The following GPC6 variants were observed in gnomAD, a reference collection of about 807,000 sequenced individuals.
GPC6 encodes glypican-6.
In GPC6, 14 loss-of-function variants were observed where a neutral mutation model predicts 55.2. The ratio of observed to expected loss-of-function variants is 0.25; its 90% CI spans 0.17 to 0.40. The LOEUF (loss-of-function observed/expected upper bound fraction) is 0.40. GPC6 is among the 10% of genes least tolerant of loss of function. The pLI, the probability that GPC6 is intolerant of heterozygous loss-of-function variation, is 1.00. For missense variants in GPC6, 641 were observed against 708.5 expected (o/e 0.90, Z 1.08); for synonymous variants, 278 against 259.6 (o/e 1.07, Z -0.68).
chr13:93,439,691 A>T (rs886144553), intron 1 of GPC6, among the ~76,000 whole-genome samples: 16 of 69,474 alleles, frequency 2.3e-4, no homozygotes, highest in African/African-American at 4.1e-4. Context: ...TAAAATAAAT[A>T]AAAAAAATAA....
chr13:93,260,514 T>G (rs1412752167), intron 1 of GPC6, among the ~76,000 whole-genome samples: 1 of 152,116 alleles, frequency 6.6e-6, no homozygotes, highest in Admixed American at 6.6e-5. Flanking sequence ...TATCACCGCC[T>G]CTTAGGTGAA....
chr13:94,353,066 G>A (rs1878630475), intron 6 of GPC6, among the ~76,000 whole-genome samples: 1 of 152,188 alleles, frequency 6.6e-6, no homozygotes, highest in African/African-American at 2.4e-5. Flanking sequence ...AGTAACGTGT[G>A]TCAGGGAGGG....
the GPC6 span, among the ~76,000 whole-genome samples, chr13:93,217,007 T>C: frequency 2.6e-5 from 4 of 152,180 alleles, no homozygotes; most frequent in East Asian, 7.7e-4. Flanking sequence ...AAGTAATCCT[T>C]TAAGTAAATT....
At chr13:94,357,484 C>T (rs1180926516) in intron 6 of GPC6, among the ~76,000 whole-genome samples, 1 of 152,202 alleles carries the variant, frequency 6.6e-6, no homozygotes, top group Non-Finnish European at 1.5e-5. Flanking sequence ...CTGCATGCAT[C>T]GCCTGTAAGA....
intron 6 of GPC6, among the ~76,000 whole-genome samples, chr13:94,373,228 A>G (rs1273264018): frequency 2.0e-5 from 3 of 152,096 alleles, no homozygotes; most frequent in Admixed American, 1.3e-4. Context: ...GACTTTGACG[A>G]GCTGAGAGAA....
At chr13:94,118,981 G>A (rs1409312781) in intron 4 of GPC6, among the ~76,000 whole-genome samples, 3 of 131,632 alleles carry the variant, frequency 2.3e-5, no homozygotes, top group African/African-American at 5.9e-5. Context: ...TTCCTGGCCT[G>A]TATATACATT....
intron 1 of GPC6, among the ~76,000 whole-genome samples, chr13:93,460,591 G>C (rs1301694709): frequency 6.6e-6 from 1 of 152,116 alleles, no homozygotes. Context: ...GAATTAACAT[G>C]TAAGTTTTTC....
intron 3 of GPC6, among the ~76,000 whole-genome samples, chr13:94,022,413 C>T (rs1193830411): frequency 1.3e-5 from 2 of 151,956 alleles, no homozygotes; most frequent in African/African-American, 2.4e-5. Flanking sequence ...TGGCAGATGG[C>T]AGGAACTCCT....
At chr13:94,189,448 C>T (rs1889311566) in intron 4 of GPC6, among the ~76,000 whole-genome samples, 1 of 152,130 alleles carries the variant, frequency 6.6e-6, no homozygotes, top group South Asian at 2.1e-4. Context: ...CCCTTTACTG[C>T]TACCACTTAT....
At chr13:93,633,891 G>C (rs1222690191) in intron 2 of GPC6, among the ~76,000 whole-genome samples, 1 of 152,030 alleles carries the variant, frequency 6.6e-6, no homozygotes, top group East Asian at 1.9e-4. Flanking sequence ...CTCTAATCAG[G>C]AGTTAGGACC....
intron 6 of GPC6, among the ~76,000 whole-genome samples, chr13:94,354,545 T>C (rs533853654): frequency 5.3e-5 from 8 of 152,348 alleles, no homozygotes; most frequent in African/African-American, 7.2e-5. Context: ...TCCAATGCTA[T>C]GTGTAGCACA....
intron 1 of GPC6, among the ~76,000 whole-genome samples, chr13:93,390,199 C>T (rs1482819383): frequency 6.6e-6 from 1 of 151,060 alleles, no homozygotes; most frequent in South Asian, 2.1e-4. Context: ...TTTCCTTTGA[C>T]TAGAAGGTTT....
chr13:93,895,091 T>C (rs1235945294), intron 3 of GPC6, among the ~76,000 whole-genome samples: 1 of 150,162 alleles, frequency 6.7e-6, no homozygotes, highest in Non-Finnish European at 1.5e-5. Context: ...TAAGTCCATA[T>C]ATGTCTATAT....
intron 1 of GPC6, among the ~76,000 whole-genome samples, chr13:93,378,530 A>G (rs1197809500): frequency 1.3e-5 from 2 of 152,084 alleles, no homozygotes; most frequent in African/African-American, 4.8e-5. Context: ...ATATTTTAGT[A>G]CTTGTCATAC....
intron 1 of GPC6, among the ~76,000 whole-genome samples, chr13:93,480,871 G>T (rs138886633): frequency 2.4e-3 from 366 of 152,178 alleles, no homozygotes; most frequent in African/African-American, 8.2e-3. Context: ...AGTTGTTTCT[G>T]CTCTTTGCAT....
chr13:93,331,554 C>T (rs150795307), intron 1 of GPC6, among the ~76,000 whole-genome samples: 1 of 152,162 alleles, frequency 6.6e-6, no homozygotes, highest in African/African-American at 2.4e-5. Context: ...TAAGCATATG[C>T]ATATCTGGAG....
intron 5 of GPC6, among the ~76,000 whole-genome samples, chr13:94,305,139 G>A (rs1027101332): frequency 5.9e-5 from 9 of 152,114 alleles, no homozygotes; most frequent in African/African-American, 1.9e-4. Context: ...CCTATTTTTA[G>A]TACAGTTGAT....
intron 5 of GPC6, among the ~76,000 whole-genome samples, chr13:94,303,801 G>C (rs910323206): frequency 6.6e-6 from 1 of 151,104 alleles, no homozygotes; most frequent in African/African-American, 2.4e-5. Context: ...GCAAACGTGA[G>C]GTTTTTCCAT....
At chr13:94,169,405 C>G (rs1007619064) in intron 4 of GPC6, among the ~76,000 whole-genome samples, 3 of 152,104 alleles carry the variant, frequency 2.0e-5, no homozygotes, top group African/African-American at 4.8e-5. Flanking sequence ...GTACAGTAAT[C>G]AGGGGTGGTA....
Sources: gnomAD v4.1 joint callset for allele counts (sites outside exome capture counted in the v4.1 genomes callset) on GRCh38, gnomAD v4.1.1 for gene constraint, MANE v1.5 for transcripts, NCBI Gene and HGNC (gene_info 2026-07-23, HGNC 2026-07-21) for gene names.